ARHGAP6: variants seen among roughly 807,000 people sequenced by gnomAD.
ARHGAP6 encodes rho GTPase-activating protein 6.
In ARHGAP6, 16 loss-of-function variants were observed where a neutral mutation model predicts 55.7. The ratio of observed to expected loss-of-function variants is 0.29; its 90% CI spans 0.19 to 0.44. The LOEUF (loss-of-function observed/expected upper bound fraction) is 0.44, where lower values mean the gene tolerates loss of function less well. Among genes scored for constraint, ARHGAP6 ranks in the 20% least tolerant of loss-of-function variants. The pLI is 1.00. For synonymous variants in ARHGAP6, 382 were observed against 360.9 expected (o/e 1.06, Z -0.66); for missense variants, 698 against 808.9 (o/e 0.86, Z 1.66).
chrX:11,332,659 C>T (rs2147637097), intron 1 of ARHGAP6, among the ~76,000 whole-genome samples: 1 of 112,140 alleles, frequency 8.9e-6, no homozygotes, highest in African/African-American at 3.2e-5. Context: ...ATAGAGCCAT[C>T]TCCTATACTC....
intron 1 of ARHGAP6, among the ~76,000 whole-genome samples, chrX:11,267,725 G>A (rs942383672): frequency 2.4e-4 from 27 of 112,478 alleles, no homozygotes; most frequent in African/African-American, 8.4e-4. Context: ...AACATCTTGT[G>A]AAATTCCTAG....
chrX:11,542,244 G>A (rs1246663218), intron 1 of ARHGAP6, among the ~76,000 whole-genome samples: 2 of 111,240 alleles, frequency 1.8e-5, no homozygotes, highest in East Asian at 5.6e-4. Context: ...AGCTGAGGTG[G>A]GCAGATCACC....
chrX:11,318,684 A>G (rs2048389500), intron 1 of ARHGAP6: 1 of 113,568 alleles, frequency 8.8e-6, no homozygotes, highest in African/African-American at 3.2e-5. Context: ...TTCTGCACCA[A>G]TCTAAATAAA....
At chrX:11,452,214 C>T (rs2050149692) in intron 1 of ARHGAP6, among the ~76,000 whole-genome samples, 1 of 112,334 alleles carries the variant, frequency 8.9e-6, no homozygotes, top group Admixed American at 9.4e-5. Flanking sequence ...GTGGCACGAT[C>T]TCGGCTTACT....
chrX:11,539,844 A>T (rs764600107), intron 1 of ARHGAP6, among the ~76,000 whole-genome samples: 1 of 111,993 alleles, frequency 8.9e-6, no homozygotes, highest in Non-Finnish European at 1.9e-5. Flanking sequence ...GCTCTTTTGA[A>T]CCTATTTAGA....
intron 1 of ARHGAP6, among the ~76,000 whole-genome samples, chrX:11,633,205 T>C (rs761156839): frequency 8.3e-4 from 93 of 112,282 alleles, no homozygotes; most frequent in African/African-American, 2.5e-3. Context: ...CTAAAACATA[T>C]GCAATTGTCT....
intron 2 of ARHGAP6, among the ~76,000 whole-genome samples, chrX:11,231,204 G>A (rs763514886): frequency 1.3e-4 from 15 of 112,092 alleles, no homozygotes; most frequent in Admixed American, 1.9e-4. Context: ...TTGAAAAATT[G>A]CAGTTAGTGC....
chrX:11,297,655 T>G (rs2048109285), intron 1 of ARHGAP6, among the ~76,000 whole-genome samples: 2 of 111,611 alleles, frequency 1.8e-5, no homozygotes. Flanking sequence ...AATCTATGAG[T>G]TTATTTACTT....
At chrX:11,208,327 A>G (rs951806161) in intron 2 of ARHGAP6, among the ~76,000 whole-genome samples, 8 of 111,223 alleles carry the variant, frequency 7.2e-5, no homozygotes, top group Non-Finnish European at 7.5e-5. Flanking sequence ...TCATCCTGGC[A>G]TAGTGACTTC....
chrX:11,492,338 A>C, intron 1 of ARHGAP6, among the ~76,000 whole-genome samples: 1 of 112,166 alleles, frequency 8.9e-6, no homozygotes, highest in East Asian at 2.8e-4. Context: ...AAACCATAAA[A>C]ACCCTAGAAG....
chrX:11,160,351 G>A (rs1234832190), intron 9 of ARHGAP6, among the ~76,000 whole-genome samples: 1 of 108,700 alleles, frequency 9.2e-6, no homozygotes, highest in Non-Finnish European at 1.9e-5. Context: ...CAGCTACTTG[G>A]GAGGCTGAGG....
At chrX:11,619,599 A>C (rs1300195920) in intron 1 of ARHGAP6, among the ~76,000 whole-genome samples, 1 of 111,927 alleles carries the variant, frequency 8.9e-6, no homozygotes, top group African/African-American at 3.3e-5. Context: ...GAAAATGTTG[A>C]CATGGATTAC....
chrX:11,616,840 A>G (rs147100312), intron 1 of ARHGAP6, among the ~76,000 whole-genome samples: 59 of 110,760 alleles, frequency 5.3e-4, no homozygotes, highest in African/African-American at 2.0e-3. Context: ...GATATTGCTA[A>G]ACATCCCACA....
intron 1 of ARHGAP6, chrX:11,334,784 G>C (rs1443256207): frequency 8.1e-6 from 2 of 245,440 alleles, no homozygotes; most frequent in Admixed American, 9.3e-5. Flanking sequence ...GCAAAGCCTT[G>C]GTAGGCCATA....
intron 1 of ARHGAP6, among the ~76,000 whole-genome samples, chrX:11,405,961 G>T (rs1250370343): frequency 9.0e-6 from 1 of 111,413 alleles, no homozygotes; most frequent in African/African-American, 3.3e-5. Flanking sequence ...AGGCTGGAGT[G>T]CAGTGGCATG....
intron 1 of ARHGAP6, among the ~76,000 whole-genome samples, chrX:11,571,977 T>C (rs1261142229): frequency 9.1e-6 from 1 of 110,197 alleles, no homozygotes; most frequent in Non-Finnish European, 1.9e-5. Flanking sequence ...TGAGGGACCA[T>C]GAGACAAGAA....
intron 1 of ARHGAP6, among the ~76,000 whole-genome samples, chrX:11,603,470 G>A (rs757974660): frequency 3.6e-5 from 4 of 111,898 alleles, no homozygotes; most frequent in Non-Finnish European, 7.5e-5. Context: ...AAATGCATGG[G>A]TGGGTGTGTA....
rs764397183 is a variant in ARHGAP6, at chrX:11,139,208, C to T, written c.2580G>A (p.Gln860=). Residue 860 remains glutamine, a synonymous_variant, in exon 13 of 13, where the codon CAG becomes CAA. Transcript: ENST00000337414. ...SESELDVAGL[Q]SRATPQCQRP... is the part of the protein sequence containing the mutation. ...TTTGGCACTGAGGTGTGGCCCGGCTCTGCAGCCCGGCCACATCCAGCTCAC... is the reference window on the plus strand; with the variant it reads ...TTTGGCACTGAGGTGTGGCCCGGCTTTGCAGCCCGGCCACATCCAGCTCAC... 6 of 1,201,258 alleles carry T rather than the reference C, an allele frequency of 5.0e-6. No individual in the cohort carries two copies. The African/African-American group carries it at 1.0e-4, about 21-fold the overall frequency.
intron 2 of ARHGAP6, among the ~76,000 whole-genome samples, chrX:11,222,516 G>A (rs1447952609): frequency 8.9e-6 from 1 of 111,775 alleles, no homozygotes; most frequent in Non-Finnish European, 1.9e-5. Flanking sequence ...CTATGTTTAG[G>A]AAAGCATTCC....
Sources: allele counts gnomAD v4.1 joint callset (sites outside exome capture counted in the v4.1 genomes callset), GRCh38; gene constraint gnomAD v4.1.1; transcripts MANE v1.5; gene names NCBI Gene and HGNC (gene_info 2026-07-23, HGNC 2026-07-21).